SLC16A9: variants seen among roughly 807,000 people sequenced by gnomAD.
SLC16A9 encodes the protein solute carrier family 16 member 9.
A neutral mutation model predicts 44.3 loss-of-function variants in SLC16A9; 26 were observed. That is an observed-to-expected ratio of 0.59 (90% CI 0.43 to 0.81). SLC16A9 has a LOEUF of 0.81. Ranked by LOEUF, SLC16A9 falls within the 40% of genes least tolerant of loss-of-function variation. The pLI, the probability that SLC16A9 is intolerant of heterozygous loss-of-function variation, is 0.00. For synonymous variants in SLC16A9, 230 were observed against 225.1 expected, an observed-to-expected ratio of 1.02 and a Z score of -0.19; for missense variants, 559 against 595.8, an observed-to-expected ratio of 0.94 and a Z score of 0.64.
At chr10:59,697,403 C>T (rs1039102698) in intron 1 of SLC16A9, among the ~76,000 whole-genome samples, 2 of 151,268 alleles carry the variant, frequency 1.3e-5, no homozygotes, top group South Asian at 2.1e-4. Context: ...AATTCTTCTG[C>T]CTTGGGATCC....
rs1335476519 is a variant in SLC16A9, at chr10:59,654,272, G to A, written c.754C>T (p.Leu252=). ...LANGDWKQDS[L]LHKNPTVTHT... Reference sequence around the variant, plus strand: ...GTCACTGTGGGGTTTTTATGAAGTAGGCTGTCTTGTTTCCAGTCACCATTG... The same window carrying A: ...GTCACTGTGGGGTTTTTATGAAGTAAGCTGTCTTGTTTCCAGTCACCATTG... Residue 252 remains leucine, a synonymous_variant, in exon 5 of 6, where the codon CTA becomes TTA. Transcript: ENST00000395348. 1 of 1,614,136 alleles carries A rather than the reference G, an allele frequency of 6.2e-7. No individual in the cohort carries two copies. The highest frequency in any genetic ancestry group is 2.2e-5 in the East Asian group (1 of 44,880).
At chr10:59,658,145 G>A (rs12265388) in intron 4 of SLC16A9, among the ~76,000 whole-genome samples, 4,491 of 152,194 alleles carry the variant, frequency 0.03, 210 homozygotes, top group African/African-American at 0.1. Context: ...TAGATCTTCA[G>A]ACAATAACTT....
chr10:59,683,944 T>C, intron 2 of SLC16A9, 152 bp downstream of exon 2: 2 of 527,744 alleles, frequency 3.8e-6, no homozygotes, highest in South Asian at 5.1e-5. Flanking sequence ...CACTGATTTA[T>C]TACAGTGAAA....
intron 5 of SLC16A9, among the ~76,000 whole-genome samples, chr10:59,653,425 CAA>C (rs562805430): frequency 0.015 from 541 of 36,758 alleles, 20 homozygotes; most frequent in African/African-American, 0.03. Flanking sequence ...AACTCCGTCT[CAA>C]AAAAAAAAAA....
chr10:59,704,223 C>T (rs1256808384), intron 1 of SLC16A9, among the ~76,000 whole-genome samples: 1 of 152,140 alleles, frequency 6.6e-6, no homozygotes, highest in African/African-American at 2.4e-5. Context: ...TGACGCAGGA[C>T]TAACGTTGCC....
At chr10:59,681,929 T>A (rs539043482) in intron 2 of SLC16A9, among the ~76,000 whole-genome samples, 1 of 151,752 alleles carries the variant, frequency 6.6e-6, no homozygotes, top group Admixed American at 6.6e-5. Flanking sequence ...CCATCCTTTT[T>A]TTTTCCCCAC....
intron 3 of SLC16A9, among the ~76,000 whole-genome samples, chr10:59,669,798 G>GAAA (rs530695961): frequency 7.3e-6 from 1 of 137,882 alleles, no homozygotes; most frequent in East Asian, 2.1e-4. Flanking sequence ...CGTCTCGAAA[G>GAAA]AAAAAAAAAA....
intron 1 of SLC16A9, among the ~76,000 whole-genome samples, chr10:59,694,145 A>C (rs897317177): frequency 2.7e-5 from 4 of 146,756 alleles, no homozygotes; most frequent in Admixed American, 2.0e-4. Flanking sequence ...TTCACCGTGT[A>C]AATCAGGATG....
At chr10:59,673,108 A>T (rs1456906323) in intron 2 of SLC16A9, among the ~76,000 whole-genome samples, 195 bp from the exon 3 acceptor site, 1 of 152,142 alleles carries the variant, frequency 6.6e-6, no homozygotes, top group Non-Finnish European at 1.5e-5. Context: ...GGTGTATACT[A>T]TTGTTAGTCC....
In SLC16A9 at chr10:59,709,780, T is replaced by G. The variant is rs1171614; in HGVS notation, c.-338A>C. 6.5e-6 allele frequency: 1 copy of G among 152,822 alleles called. No individual in the cohort carries two copies. The highest frequency in any genetic ancestry group is 2.4e-5 in the African/African-American group (1 of 41,552). The allele number at this position is 152,822 out of a possible 1,614,324, so 9.5% of individuals were successfully genotyped here. ...CTGAGCTCCACCTTCTCTTTCGCCT[T>G]CTCCTCCCCGGGGTTTTCCCTGCTG... On this transcript the variant is annotated 5_prime_UTR_variant, in exon 1 of 6. Coordinates refer to ENST00000395348, the MANE Select transcript of SLC16A9 (RefSeq NM_194298.3).
chr10:59,673,605 T>C (rs961177071), intron 2 of SLC16A9, among the ~76,000 whole-genome samples: 7 of 152,172 alleles, frequency 4.6e-5, no homozygotes, highest in African/African-American at 7.2e-5. Context: ...CTGAATTGAG[T>C]TGACAACCTT....
At chr10:59,668,294 A>T (rs2132439759) in intron 3 of SLC16A9, among the ~76,000 whole-genome samples, 1 of 152,338 alleles carries the variant, frequency 6.6e-6, no homozygotes, top group Middle Eastern at 3.4e-3. Flanking sequence ...ACAAACACGT[A>T]TAAAAAGACT....
At chr10:59,671,934 C>T (rs1839759641) in intron 3 of SLC16A9, among the ~76,000 whole-genome samples, 1 of 152,136 alleles carries the variant, frequency 6.6e-6, no homozygotes, top group Non-Finnish European at 1.5e-5. Context: ...ATGATAAGTA[C>T]ACAGTGAATA....
intron 4 of SLC16A9, among the ~76,000 whole-genome samples, chr10:59,656,376 A>G (rs542019142): frequency 2.6e-5 from 4 of 152,352 alleles, no homozygotes; most frequent in African/African-American, 9.6e-5. Context: ...GGTGTTTTGA[A>G]AGTTCTATAT....
intron 1 of SLC16A9, among the ~76,000 whole-genome samples, chr10:59,695,265 A>G (rs1242677835): frequency 6.6e-6 from 1 of 152,156 alleles, no homozygotes; most frequent in Non-Finnish European, 1.5e-5. Context: ...CTCTGAATAT[A>G]CTAAAGCCAT....
intron 4 of SLC16A9, 114 bp downstream of exon 4, chr10:59,664,113 G>T: frequency 7.0e-6 from 3 of 431,570 alleles, no homozygotes; most frequent in South Asian, 6.4e-5. Context: ...AAATTATTTT[G>T]CTACCTGATT....
At chr10:59,678,546 C>CTTTTTTTTCTTTTTTTTTTTT (rs751112027) in intron 2 of SLC16A9, among the ~76,000 whole-genome samples, 1 of 30,592 alleles carries the variant, frequency 3.3e-5, no homozygotes. Context: ...TTTTCTTTTT[C>CTTTTTTTTCTTTTTTTTTTTT]TTTTTTTTGA....
At chr10:59,685,460 T>A (rs569451988) in intron 1 of SLC16A9, among the ~76,000 whole-genome samples, 1 of 152,346 alleles carries the variant, frequency 6.6e-6, no homozygotes, top group East Asian at 1.9e-4. Context: ...CAAACTCAAG[T>A]ATAGATTTCC....
intron 3 of SLC16A9, among the ~76,000 whole-genome samples, chr10:59,667,355 G>T (rs984312981): frequency 6.6e-6 from 1 of 152,080 alleles, no homozygotes; most frequent in Non-Finnish European, 1.5e-5. Context: ...GTAACATATT[G>T]AGTACGGAAG....
Sources: gnomAD v4.1 joint callset for allele counts (sites outside exome capture counted in the v4.1 genomes callset) on GRCh38, gnomAD v4.1.1 for gene constraint, MANE v1.5 for transcripts, NCBI Gene and HGNC (gene_info 2026-07-23, HGNC 2026-07-21) for gene names.